Variants in MMP16 observed in about 807,000 individuals in gnomAD.
MMP16 encodes matrix metalloproteinase-16.
MMP16 carries 12 observed loss-of-function variants against 67.8 expected under a neutral mutation model. That is an observed-to-expected ratio of 0.18 (90% confidence interval 0.11 to 0.29). The LOEUF (loss-of-function observed/expected upper bound fraction) is 0.29, where lower values mean the gene tolerates loss of function less well. Ranked by LOEUF, MMP16 falls within the 10% of genes least tolerant of loss-of-function variation. The probability of loss-of-function intolerance (pLI) is 1.00; values close to 1 mark genes in which losing one functional copy is unlikely to be tolerated. For missense variants in MMP16, 475 were observed against 765.7 expected, an observed-to-expected ratio of 0.62 and a Z score of 4.48; for synonymous variants, 249 against 255.9, an observed-to-expected ratio of 0.97 and a Z score of 0.26.
At chr8:88,307,453 T>C (rs1411308319) in intron 1 of MMP16, among the ~76,000 whole-genome samples, 3 of 152,074 alleles carry the variant, frequency 2.0e-5, no homozygotes, top group African/African-American at 7.2e-5. Flanking sequence ...AAATAGAGAA[T>C]GTTAAATAGA....
chr8:88,286,161 C>T (rs1810827800), intron 1 of MMP16, among the ~76,000 whole-genome samples: 1 of 152,198 alleles, frequency 6.6e-6, no homozygotes, highest in Non-Finnish European at 1.5e-5. Context: ...ACCTTCCTGG[C>T]CCAGTGCACT....
chr8:88,241,607 T>C (rs1169173602), intron 1 of MMP16, among the ~76,000 whole-genome samples: 2 of 152,124 alleles, frequency 1.3e-5, no homozygotes, highest in African/African-American at 2.4e-5. Flanking sequence ...ATTTATGGTA[T>C]ATAACATGAT....
At chr8:88,303,389 G>A (rs1811160879) in intron 1 of MMP16, among the ~76,000 whole-genome samples, 1 of 152,158 alleles carries the variant, frequency 6.6e-6, no homozygotes, top group Non-Finnish European at 1.5e-5. Flanking sequence ...CAGCCTGCCA[G>A]CTCTGGAGAG....
At position 88,040,750 on chromosome 8, in the gene MMP16, G is replaced by A. The variant is rs145469751; in HGVS notation, c.*711C>T. ...ATAGCTGAGAACAGCTGTATAAAAC[G>A]AAAAATGGATGTATTATTAAGGCTG... On this transcript the variant is annotated 3_prime_UTR_variant, in exon 10 of 10. Coordinates refer to ENST00000286614, the MANE Select transcript of MMP16 (RefSeq NM_005941.5). 58 of 152,646 alleles carry A rather than the reference G, an allele frequency of 3.8e-4. 2 individuals carry two copies. The highest frequency in any genetic ancestry group is 6.5e-5 in the Admixed American group (1 of 15,268). The allele number at this position is 152,646 out of a possible 1,614,324, so 9.5% of individuals were successfully genotyped here. A position where few individuals can be genotyped will look rare whatever the true frequency, so the allele number is the denominator to read the frequency against.
At chr8:88,172,477 G>T (rs1333843634) in intron 3 of MMP16, among the ~76,000 whole-genome samples, 1 of 152,118 alleles carries the variant, frequency 6.6e-6, no homozygotes, top group African/African-American at 2.4e-5. Context: ...GATGTATTTT[G>T]TATTTATTCA....
At chr8:88,319,952 G>C (rs1013591172) in intron 1 of MMP16, among the ~76,000 whole-genome samples, 3 of 152,080 alleles carry the variant, frequency 2.0e-5, no homozygotes, top group African/African-American at 7.2e-5. Context: ...TAAGTGACTA[G>C]ATTAAAAAAC....
intron 1 of MMP16, among the ~76,000 whole-genome samples, chr8:88,205,368 G>A (rs28904637): frequency 3.9e-5 from 6 of 151,992 alleles, no homozygotes; most frequent in African/African-American, 1.4e-4. Flanking sequence ...AAATGAGAAG[G>A]CAGACTGTCT....
intron 1 of MMP16, among the ~76,000 whole-genome samples, chr8:88,226,382 G>A (rs574495380): frequency 1.3e-5 from 2 of 152,016 alleles, no homozygotes; most frequent in East Asian, 3.9e-4. Context: ...ACCCTATGGG[G>A]CAGGTATGAC....
At chr8:88,158,283 C>T (rs1271502241) in intron 4 of MMP16, among the ~76,000 whole-genome samples, 21 of 152,172 alleles carry the variant, frequency 1.4e-4, no homozygotes, top group Admixed American at 3.3e-4. Context: ...TTTACACTCC[C>T]ACCAACAGTG....
At chr8:88,154,442 C>G (rs1237648667) in intron 4 of MMP16, among the ~76,000 whole-genome samples, 1 of 142,940 alleles carries the variant, frequency 7.0e-6, no homozygotes, top group Non-Finnish European at 1.5e-5. Flanking sequence ...GCATTATTCA[C>G]AATAGCAAAG....
intron 4 of MMP16, among the ~76,000 whole-genome samples, chr8:88,119,157 G>A (rs1045984424): frequency 6.6e-6 from 1 of 152,054 alleles, no homozygotes; most frequent in South Asian, 2.1e-4. Context: ...TAGTACTCCT[G>A]TCAAAATACT....
intron 1 of MMP16, among the ~76,000 whole-genome samples, chr8:88,220,393 T>C (rs1179792854): frequency 6.6e-6 from 1 of 152,176 alleles, no homozygotes; most frequent in Non-Finnish European, 1.5e-5. Flanking sequence ...GACTGTTCTA[T>C]AGAAATCCCT....
intron 3 of MMP16, among the ~76,000 whole-genome samples, chr8:88,173,583 TTAC>T (rs2129718332): frequency 6.6e-6 from 1 of 152,166 alleles, no homozygotes; most frequent in African/African-American, 2.4e-5. Context: ...TAAATAGAAT[TTAC>T]TACAAAAGGG....
At chr8:88,186,222 G>A in intron 3 of MMP16, 1 of 335,078 alleles carries the variant, frequency 3.0e-6, no homozygotes, top group Non-Finnish European at 5.4e-6. Context: ...TCATCTTAAA[G>A]TCCCTCATAA....
At chr8:88,215,420 G>A (rs569063313) in intron 1 of MMP16, among the ~76,000 whole-genome samples, 99 of 152,050 alleles carry the variant, frequency 6.5e-4, no homozygotes, top group Non-Finnish European at 1.3e-3. Context: ...CAGCTCTGCA[G>A]AGGCTAGAGA....
intron 4 of MMP16, among the ~76,000 whole-genome samples, chr8:88,136,587 G>A (rs1462461568): frequency 6.6e-6 from 1 of 151,002 alleles, no homozygotes; most frequent in Non-Finnish European, 1.5e-5. Flanking sequence ...ACAGATTAGG[G>A]TGCTCATTTT....
Position 88,298,649 on chromosome 8 carries a change from C to T in MMP16, c.132+28426G>A, listed in dbSNP as rs530098009. Among the ~76,000 whole-genome samples the T allele has an allele frequency of 3.9e-5, 6 of 152,280 alleles. No individual in the cohort carries two copies. The South Asian group carries it at 1.2e-3, about 32-fold the overall frequency. ...TTTAGGCAACTTCCTCCTGGTGATT[C>T]ATCTGCACATGGAAGCGTGAGACCT... On this transcript the variant is annotated intron_variant, in intron 1 of 9. Coordinates refer to ENST00000286614, the MANE Select transcript of MMP16 (RefSeq NM_005941.5).
chr8:88,306,512 T>C (rs1026026910), intron 1 of MMP16, among the ~76,000 whole-genome samples: 1 of 152,158 alleles, frequency 6.6e-6, no homozygotes, highest in Non-Finnish European at 1.5e-5. Flanking sequence ...TTGATGAACA[T>C]GGATGTAAAA....
chr8:88,323,582 T>C (rs1002808376), intron 1 of MMP16, among the ~76,000 whole-genome samples: 1 of 152,160 alleles, frequency 6.6e-6, no homozygotes, highest in African/African-American at 2.4e-5. Context: ...ATTTAGAATT[T>C]TATATGTTTT....
Sources: allele counts gnomAD v4.1 joint callset (sites outside exome capture counted in the v4.1 genomes callset), GRCh38; gene constraint gnomAD v4.1.1; transcripts MANE v1.5; gene names NCBI Gene and HGNC (gene_info 2026-07-23, HGNC 2026-07-21).